Variants in CXCR5 observed in about 807,000 individuals in gnomAD.
The protein encoded by CXCR5 is C-X-C chemokine receptor type 5.
Under a neutral mutation model 5.6 loss-of-function variants are expected in CXCR5, and 3 were observed. The observed-to-expected ratio is 0.54, with a 90% CI of 0.24 to 1.39. The LOEUF (loss-of-function observed/expected upper bound fraction) is 1.39. Ranked by LOEUF, CXCR5 falls within the 40% of genes most tolerant of loss-of-function variation. CXCR5 has a pLI of 0.16. For synonymous variants in CXCR5, 218 were observed against 219.9 expected (o/e 0.99, Z 0.08); for missense variants, 333 against 494.6 (o/e 0.67, Z 3.10).
chr11:118,891,328 T>G (rs980083665), intron 1 of CXCR5, among the ~76,000 whole-genome samples: 1 of 152,030 alleles, frequency 6.6e-6, no homozygotes, highest in Admixed American at 6.6e-5. Flanking sequence ...GCACTAAGTT[T>G]GGCTTACTCC....
At position 118,895,654 on chromosome 11, in the gene CXCR5, G is replaced by C. The variant is rs569941059; in HGVS notation, c.*991G>C. ...TATAGACCCGAGGAAACTCAGAGTC[G>C]GAACGGAGAAAGGTGGACTGGAAGG... On this transcript the variant is annotated 3_prime_UTR_variant, in exon 2 of 2. Coordinates refer to ENST00000292174, the MANE Select transcript of CXCR5 (RefSeq NM_001716.5). The surrounding 1 kb of genome is among the most constrained non-coding windows in gnomAD (Gnocchi z 4.2). The C allele has an allele frequency of 6.0e-6, 1 of 167,310 alleles. No homozygotes were observed. Among genetic ancestry groups the C allele is most frequent in the South Asian group, 2.1e-4 (1 of 4,838 alleles). 10.4% of individuals were successfully genotyped at this position (167,310 alleles called of 1,614,324 possible). A position where few individuals can be genotyped will look rare whatever the true frequency, so the allele number is the denominator to read the frequency against.
intron 1 of CXCR5, among the ~76,000 whole-genome samples, chr11:118,889,139 T>C (rs1432068025): frequency 6.6e-6 from 1 of 152,206 alleles, no homozygotes; most frequent in Non-Finnish European, 1.5e-5. Flanking sequence ...CTGGACACTG[T>C]TACAGCCCCT....
At chr11:118,885,543 C>T (rs765879767) in intron 1 of CXCR5, among the ~76,000 whole-genome samples, 106 of 152,322 alleles carry the variant, frequency 7.0e-4, no homozygotes, top group Middle Eastern at 3.4e-3. Flanking sequence ...CGGTCACAGC[C>T]GCTGGCCTCG....
At chr11:118,888,462 G>T (rs1401933159) in intron 1 of CXCR5, among the ~76,000 whole-genome samples, 4 of 152,064 alleles carry the variant, frequency 2.6e-5, no homozygotes, top group Non-Finnish European at 4.4e-5. Flanking sequence ...TTTCCTCTAT[G>T]GGCAGGGTTT....
In CXCR5 at chr11:118,894,558, G is replaced by C. The variant is rs598207; in HGVS notation, c.1014G>C (p.Thr338=). The change falls in exon 2 of 2, where the codon ACG becomes ACC. Residue 338 remains threonine, a synonymous_variant. Transcript: ENST00000292174. This position sits in a 1 kb window ranked among gnomAD's most constrained non-coding sequence, Gnocchi z 6.1. ...GCAGTGACCTGTCGCGGCTCCTGAC[G>C]AAGCTGGGCTGTACCGGCCCTGCCT... ...KFRSDLSRLL[T]KLGCTGPASL... 434,532 of 1,561,110 alleles carry C rather than the reference G, an allele frequency of 0.28. 64,566 individuals are homozygous for C. The highest frequency in any genetic ancestry group is 0.48 in the Admixed American group (27,124 of 56,658).
In CXCR5 at chr11:118,896,011, C is replaced by A. The variant is rs979959125; in HGVS notation, c.*1348C>A. The A allele has an allele frequency of 6.0e-6, 1 of 167,066 alleles. No individual in the cohort carries two copies. Among genetic ancestry groups the A allele is most frequent in the African/African-American group, 2.4e-5 (1 of 41,446 alleles). 10.3% of individuals were successfully genotyped at this position (167,066 alleles called of 1,614,324 possible). A position where few individuals can be genotyped will look rare whatever the true frequency, so the allele number is the denominator to read the frequency against. On this transcript the variant is annotated 3_prime_UTR_variant, in exon 2 of 2. Transcript: ENST00000292174. ...CTGGGGAAATAACAGCTGTGGCTCA[C>A]GTGAGAGTGTCTTCACGGCAGGACA... is the stretch of plus-strand genomic sequence containing the variant.
At chr11:118,889,649 G>GTCTGTT (rs1939778078) in intron 1 of CXCR5, among the ~76,000 whole-genome samples, 2 of 152,108 alleles carry the variant, frequency 1.3e-5, no homozygotes, top group African/African-American at 4.8e-5. Flanking sequence ...CCCCCAAAAC[G>GTCTGTT]TCTGTTTGAC....
chr11:118,888,931 C>T (rs1303155707), intron 1 of CXCR5, among the ~76,000 whole-genome samples: 2 of 152,144 alleles, frequency 1.3e-5, no homozygotes, highest in African/African-American at 2.4e-5. Context: ...GTGAGCTGAG[C>T]TCCATGCTGG....
At position 118,893,601 on chromosome 11, in the gene CXCR5, G is replaced by T. The variant is rs775574295; in HGVS notation, c.57G>T (p.Trp19Cys). 6.3e-7 allele frequency: 1 copy of T among 1,579,314 alleles called. No homozygotes were observed. The highest frequency in any genetic ancestry group is 8.6e-7 in the Non-Finnish European group (1 of 1,157,576). Reference sequence around the variant, plus strand: ...CCGTCTCCTTGCCCTTGCAGTTCTGGGAACTGGACAGATTGGACAACTATA... The same window carrying T: ...CCGTCTCCTTGCCCTTGCAGTTCTGTGAACTGGACAGATTGGACAACTATA... ...MDLENLEDLFWELDRLDNYND... is the reference protein window; with the variant it reads ...MDLENLEDLFCELDRLDNYND... The change falls in exon 2 of 2, where the codon TGG (tryptophan) becomes TGT (cysteine). Residue 19 changes from tryptophan (W) to cysteine (C), a missense_variant. Transcript: ENST00000292174. The surrounding 1 kb of genome is among the most constrained non-coding windows in gnomAD (Gnocchi z 5.7).
chr11:118,890,786 C>G (rs545556900), intron 1 of CXCR5, among the ~76,000 whole-genome samples: 1 of 152,242 alleles, frequency 6.6e-6, no homozygotes, highest in African/African-American at 2.4e-5. Flanking sequence ...AAGCACTGCA[C>G]AAGTCAAAAG....
rs184486985 is a variant in CXCR5, at chr11:118,884,235, C to T, written c.51+243C>T. 6.8e-4 allele frequency among the ~76,000 whole-genome samples: 103 copies of T among 152,294 alleles called. No individual in the cohort carries two copies. The East Asian group carries it at 0.017, about 25-fold the overall frequency. On this transcript the variant is annotated intron_variant, in intron 1 of 1. Coordinates refer to ENST00000292174, the MANE Select transcript of CXCR5 (RefSeq NM_001716.5). The stretch of plus-strand genomic sequence containing the variant: ...TAGAGGAAGCTGGAAGACACGGGTT[C>T]AGGCCCTGCATCCTCCTCTGAGTTG...
At chr11:118,886,626 A>G in intron 1 of CXCR5, 1 of 348,914 alleles carries the variant, frequency 2.9e-6, no homozygotes, top group South Asian at 2.2e-5. Flanking sequence ...CGATCCTGGC[A>G]GACCTAGAGC....
At chr11:118,886,464 CTTT>C (rs1263788102) in intron 1 of CXCR5, 1 of 376,518 alleles carries the variant, frequency 2.7e-6, no homozygotes, top group Admixed American at 4.1e-5. Flanking sequence ...ATGTCCACTT[CTTT>C]AAGGCAGGGG....
intron 1 of CXCR5, among the ~76,000 whole-genome samples, chr11:118,885,529 C>G (rs950192684): frequency 2.6e-5 from 4 of 152,212 alleles, no homozygotes; most frequent in Non-Finnish European, 5.9e-5. Context: ...CCCACCCTGG[C>G]CCCCGGTCAC....
intron 1 of CXCR5, 55 bp downstream of exon 1, chr11:118,884,047 T>A: frequency 1.3e-6 from 2 of 1,568,316 alleles, no homozygotes; most frequent in Non-Finnish European, 8.7e-7. Context: ...AATTCTAACA[T>A]CCTTTGCCAG....
Position 118,897,735 on chromosome 11 carries a change from G to A in CXCR5, c.*3072G>A, listed in dbSNP as rs758291010. 12 of 448,020 alleles carry A rather than the reference G, an allele frequency of 2.7e-5. No individual in the cohort carries two copies. The highest frequency in any genetic ancestry group is 1.9e-4 in the South Asian group (12 of 63,620). 27.8% of individuals were successfully genotyped at this position (448,020 alleles called of 1,614,324 possible). On this transcript the variant is annotated 3_prime_UTR_variant, in exon 2 of 2. Coordinates refer to ENST00000292174, the MANE Select transcript of CXCR5 (RefSeq NM_001716.5). ...ATGGAGGGAGCAATAACTTGAAGAA[G>A]GGGGGAAGGGTTTCTTTTATCCTTT... is the stretch of plus-strand genomic sequence containing the variant.
At position 118,893,828 on chromosome 11, in the gene CXCR5, T is replaced by G. The variant is rs1939851834; in HGVS notation, c.284T>G (p.Val95Gly). 6.2e-7 allele frequency: 1 copy of G among 1,614,044 alleles called. No homozygotes were observed. Among genetic ancestry groups the G allele is most frequent in the African/African-American group, 1.3e-5 (1 of 74,916 alleles). ...STETFLFHLA[V>G]ADLLLVFILP... Reference sequence around the variant, plus strand: ...GAGACCTTCCTGTTCCACCTGGCCGTGGCCGACCTCCTGCTGGTCTTCATC... The same window carrying G: ...GAGACCTTCCTGTTCCACCTGGCCGGGGCCGACCTCCTGCTGGTCTTCATC... Residue 95 changes from valine to glycine, a missense_variant, in exon 2 of 2, where the codon GTG becomes GGG. By Grantham distance (109) the Val-to-Gly change is moderately radical. Coordinates refer to ENST00000292174, the MANE Select transcript of CXCR5 (RefSeq NM_001716.5). The surrounding 1 kb of genome is among the most constrained non-coding windows in gnomAD (Gnocchi z 5.7).
intron 1 of CXCR5, 73 bp downstream of exon 1, chr11:118,884,065 G>A: frequency 2.7e-6 from 4 of 1,457,756 alleles, no homozygotes; most frequent in Non-Finnish European, 3.8e-6. Flanking sequence ...CAGAGTCCGA[G>A]GGAGAGGGGA....
In CXCR5 at chr11:118,894,044, A is replaced by G; in HGVS notation, c.500A>G (p.His167Arg). Reference protein sequence around the residue: ...AYRHRRLLSIHITCGTIWLVG... With the variant: ...AYRHRRLLSIRITCGTIWLVG... The stretch of plus-strand genomic sequence containing the variant: ...CGCCACCGCCGCCTCCTCTCCATCC[A>G]CATCACCTGTGGGACCATCTGGCTG... The change falls in exon 2 of 2, where the codon CAC (histidine) becomes CGC (arginine). Residue 167 changes from histidine (H) to arginine (R), a missense_variant. Physicochemically the swap from His to Arg is conservative, Grantham distance 29. Coordinates refer to ENST00000292174, the MANE Select transcript of CXCR5 (RefSeq NM_001716.5). The surrounding 1 kb of genome is among the most constrained non-coding windows in gnomAD (Gnocchi z 6.1). The G allele has an allele frequency of 6.2e-7, 1 of 1,613,696 alleles. No homozygotes were observed. Among genetic ancestry groups the G allele is most frequent in the Non-Finnish European group, 8.5e-7 (1 of 1,179,950 alleles).
Sources: gnomAD v4.1 joint callset for allele counts (sites outside exome capture counted in the v4.1 genomes callset) on GRCh38, gnomAD v4.1.1 for gene constraint, Gnocchi (gnomAD v3.1) non-coding constraint, MANE v1.5 for transcripts, NCBI Gene and HGNC (gene_info 2026-07-23, HGNC 2026-07-21) for gene names.